The following ATP9B variants were observed in gnomAD, a reference collection of about 807,000 sequenced individuals.
The protein encoded by ATP9B is ATPase phospholipid transporting 9B, also known as probable phospholipid-transporting ATPase IIB.
A neutral mutation model predicts 146.1 loss-of-function variants in ATP9B; 110 were observed. The observed-to-expected ratio is 0.75, with a 90% confidence interval of 0.65 to 0.88. The LOEUF (loss-of-function observed/expected upper bound fraction) is 0.88, where lower values mean the gene tolerates loss of function less well. ATP9B is among the 40% of genes least tolerant of loss of function. ATP9B has a pLI of 0.00. For missense variants in ATP9B, 1,499 were observed against 1,496.4 expected, an observed-to-expected ratio of 1.00 and a Z score of -0.03; for synonymous variants, 604 against 569.7, an observed-to-expected ratio of 1.06 and a Z score of -0.86.
rs907101767 is a variant in ATP9B at position 79,373,389 on chromosome 18, A to G, written c.3070+507A>G. Among the ~76,000 whole-genome samples the G allele has an allele frequency of 7.9e-5, 12 of 151,938 alleles. 1 individual carries two copies. Among genetic ancestry groups the G allele is most frequent in the Non-Finnish European group, 2.9e-5 (2 of 68,008 alleles). ...AAAAGTTTGTCTGCCTCGATTTGCCATTTCTAACTGATGTAGCTAGGATCC... is the reference window on the plus strand; with the variant it reads ...AAAAGTTTGTCTGCCTCGATTTGCCGTTTCTAACTGATGTAGCTAGGATCC... On this transcript the variant is annotated intron_variant, in intron 27 of 29. Transcript: ENST00000426216.
intron 2 of ATP9B, among the ~76,000 whole-genome samples, chr18:79,103,267 G>GTTTTT (rs76907504): frequency 7.5e-6 from 1 of 133,296 alleles, no homozygotes; most frequent in Non-Finnish European, 1.6e-5. Flanking sequence ...ACTATTTGTA[G>GTTTTT]TTTTTTTTTT....
At chr18:79,149,800 G>A (rs941903275) in intron 6 of ATP9B, among the ~76,000 whole-genome samples, 3 of 152,018 alleles carry the variant, frequency 2.0e-5, no homozygotes, top group African/African-American at 7.2e-5. Flanking sequence ...ATAAACACAT[G>A]GGCCAGGCAC....
intron 26 of ATP9B, among the ~76,000 whole-genome samples, chr18:79,369,573 G>A (rs2097057563): frequency 1.3e-5 from 2 of 151,260 alleles, no homozygotes; most frequent in South Asian, 4.2e-4. Flanking sequence ...CGTATACTGA[G>A]GAGGTAGGCT....
rs779154296 is a variant in ATP9B at position 79,359,350 on chromosome 18, G to A, written c.2904-4G>A. On this transcript the variant is annotated splice_polypyrimidine_tract_variant and splice_region_variant and intron_variant, in intron 25 of 29. Transcript: ENST00000426216. Reference sequence around the variant, plus strand: ...CCCATTGCACTCCGCTCTTGGTCTTGCAGGTATGCCACCATATACACCATG... The same window carrying A: ...CCCATTGCACTCCGCTCTTGGTCTTACAGGTATGCCACCATATACACCATG... 10 of 1,608,296 alleles carry A rather than the reference G, an allele frequency of 6.2e-6. No individual in the cohort carries two copies. The East Asian group carries it at 2.0e-4, about 32-fold the overall frequency.
At chr18:79,295,942 T>A (rs546882702) in intron 13 of ATP9B, among the ~76,000 whole-genome samples, 20 of 152,332 alleles carry the variant, frequency 1.3e-4, no homozygotes, top group Non-Finnish European at 5.9e-5. Context: ...AAGTAAATGT[T>A]TGTTGTTTAT....
At chr18:79,073,177 C>A (rs376575517) in intron 1 of ATP9B, among the ~76,000 whole-genome samples, 4 of 151,990 alleles carry the variant, frequency 2.6e-5, no homozygotes, top group Non-Finnish European at 4.4e-5. Flanking sequence ...TCCTCACATC[C>A]CAGACAATGG....
chr18:79,124,807 GAT>G (rs1426775796), intron 4 of ATP9B, among the ~76,000 whole-genome samples: 3 of 152,336 alleles, frequency 2.0e-5, no homozygotes, highest in East Asian at 1.9e-4. Flanking sequence ...AGGCTGGAGA[GAT>G]GTGTGGAAGG....
intron 5 of ATP9B, among the ~76,000 whole-genome samples, chr18:79,130,814 G>A (rs66589478): frequency 0.21 from 31,757 of 151,566 alleles, 3,684 homozygotes; most frequent in East Asian, 0.5. Flanking sequence ...GAGAGAGAGA[G>A]AAAAAAAACC....
chr18:79,110,337 ATCTTTTGTT>A lies in ATP9B; in HGVS notation c.294-15_294-7del. 1 of 1,548,958 alleles carries A rather than the reference ATCTTTTGTT, an allele frequency of 6.5e-7. No individual in the cohort carries two copies. Among genetic ancestry groups the A allele is most frequent in the South Asian group, 1.2e-5 (1 of 81,594 alleles). On this transcript the variant is annotated splice_polypyrimidine_tract_variant and intron_variant, in intron 2 of 29. Transcript: ENST00000426216. ...AAGCAAAAAAAAATACACAATACGTATCTTTTGTTTCATACAGTTGCTGTGGTTGGCTGA... is the reference window on the plus strand; with the variant it reads ...AAGCAAAAAAAAATACACAATACGTATCATACAGTTGCTGTGGTTGGCTGA...
intron 17 of ATP9B, among the ~76,000 whole-genome samples, chr18:79,331,595 C>G (rs997209766): frequency 6.6e-5 from 10 of 152,062 alleles, no homozygotes; most frequent in Admixed American, 5.9e-4. Context: ...ATTATGAAAG[C>G]CTTTCATTTT....
At chr18:79,125,346 C>T (rs1300025099) in intron 4 of ATP9B, among the ~76,000 whole-genome samples, 1 of 152,098 alleles carries the variant, frequency 6.6e-6, no homozygotes, top group Non-Finnish European at 1.5e-5. Flanking sequence ...CTAGAAGAAT[C>T]CATGTTTAAG....
intron 11 of ATP9B, among the ~76,000 whole-genome samples, chr18:79,231,316 C>T (rs759813772): frequency 5.3e-5 from 8 of 151,940 alleles, no homozygotes; most frequent in Non-Finnish European, 7.4e-5. Flanking sequence ...CAAACAGTCC[C>T]ATGAAAAAGT....
intron 11 of ATP9B, among the ~76,000 whole-genome samples, chr18:79,215,629 A>G (rs2095620764): frequency 6.6e-6 from 1 of 152,230 alleles, no homozygotes; most frequent in African/African-American, 2.4e-5. Flanking sequence ...TTAGAATCAC[A>G]TACGTATTTA....
intron 5 of ATP9B, among the ~76,000 whole-genome samples, chr18:79,131,415 T>C (rs902214276): frequency 2.0e-5 from 3 of 152,188 alleles, no homozygotes; most frequent in African/African-American, 4.8e-5. Context: ...CCAACATACA[T>C]GTGAAACGAC....
intron 14 of ATP9B, among the ~76,000 whole-genome samples, chr18:79,304,109 G>T (rs903908149): frequency 3.3e-5 from 5 of 151,248 alleles, no homozygotes; most frequent in African/African-American, 9.7e-5. Context: ...TTGCCTTTTC[G>T]GTAGATAAAA....
chr18:79,339,931 TAATTG>T (rs1350438060), intron 19 of ATP9B, among the ~76,000 whole-genome samples: 1 of 152,210 alleles, frequency 6.6e-6, no homozygotes, highest in Non-Finnish European at 1.5e-5. Flanking sequence ...TTACTAAACT[TAATTG>T]TATTGTACAG....
intron 21 of ATP9B, 102 bp downstream of exon 21, chr18:79,344,456 G>GGCCC (rs531231073): frequency 9.5e-5 from 96 of 1,006,580 alleles, no homozygotes; most frequent in Non-Finnish European, 1.4e-4. Context: ...GCTGGACCCT[G>GGCCC]AGTGAGTACA....
At chr18:79,100,170 C>T (rs996765829) in intron 2 of ATP9B, among the ~76,000 whole-genome samples, 16 of 152,086 alleles carry the variant, frequency 1.1e-4, no homozygotes, top group African/African-American at 2.9e-4. Flanking sequence ...TGTTGAGACT[C>T]GCTTTATGGT....
chr18:79,303,741 G>T, intron 14 of ATP9B, 25 bp downstream of exon 14: 1 of 1,571,556 alleles, frequency 6.4e-7, no homozygotes, highest in Non-Finnish European at 8.7e-7. Context: ...CCTGCACGGG[G>T]TCTGCTTCCA....
Sources: allele counts gnomAD v4.1 joint callset (sites outside exome capture counted in the v4.1 genomes callset), GRCh38; gene constraint gnomAD v4.1.1; transcripts MANE v1.5; gene names NCBI Gene and HGNC (gene_info 2026-07-23, HGNC 2026-07-21).